SYT2: variants seen among roughly 807,000 people sequenced by gnomAD.
SYT2 encodes the protein synaptotagmin 2.
A neutral mutation model predicts 39.9 loss-of-function variants in SYT2; 15 were observed. The ratio of observed to expected loss-of-function variants is 0.38; its 90% confidence interval spans 0.25 to 0.58. SYT2 has a LOEUF of 0.58. Ranked by LOEUF, SYT2 falls within the 20% of genes least tolerant of loss-of-function variation. The pLI is 0.70. For synonymous variants in SYT2, 181 were observed against 204.5 expected, an observed-to-expected ratio of 0.89 and a Z score of 0.98; for missense variants, 389 against 530.3, an observed-to-expected ratio of 0.73 and a Z score of 2.62.
At chr1:202,630,482 G>A (rs1558439084) in intron 1 of SYT2, 1 of 845,930 alleles carries the variant, frequency 1.2e-6, no homozygotes, top group East Asian at 1.2e-4. Flanking sequence ...GCAGCAGGGA[G>A]CCAAGGTTTA....
At chr1:202,629,214 T>C (rs1284346697) in intron 1 of SYT2, among the ~76,000 whole-genome samples, 2 of 152,224 alleles carry the variant, frequency 1.3e-5, no homozygotes, top group Non-Finnish European at 2.9e-5. Flanking sequence ...CTTCTACCCA[T>C]GCCTTTAGCT....
At chr1:202,624,144 T>C (rs1240003674) in intron 1 of SYT2, among the ~76,000 whole-genome samples, 1 of 151,886 alleles carries the variant, frequency 6.6e-6, no homozygotes, top group African/African-American at 2.4e-5. Flanking sequence ...GTGTGTGTGA[T>C]GTGAGTGTGC....
chr1:202,663,714 T>C (rs889279904), intron 1 of SYT2, among the ~76,000 whole-genome samples: 2 of 152,184 alleles, frequency 1.3e-5, no homozygotes, highest in Non-Finnish European at 2.9e-5. Context: ...TTCCAGACAC[T>C]ATCTCCTCTG....
chr1:202,708,642 G>C (rs1301269083), intron 1 of SYT2, among the ~76,000 whole-genome samples: 1 of 152,032 alleles, frequency 6.6e-6, no homozygotes, highest in African/African-American at 2.4e-5. Flanking sequence ...GCCTGGCGTG[G>C]ACCCCTGACG....
intron 1 of SYT2, among the ~76,000 whole-genome samples, chr1:202,617,477 C>T (rs12566760): frequency 6.6e-6 from 1 of 152,010 alleles, no homozygotes; most frequent in Non-Finnish European, 1.5e-5. Context: ...TCTCCAGAAG[C>T]CGAGCAGATG....
At chr1:202,640,779 A>G (rs972386263) in intron 1 of SYT2, among the ~76,000 whole-genome samples, 110 of 145,418 alleles carry the variant, frequency 7.6e-4, no homozygotes, top group Non-Finnish European at 1.4e-3. Flanking sequence ...AGAGAGAGAG[A>G]GAGAGAGAGA....
At position 202,594,934 on chromosome 1, in the gene SYT2, C is replaced by G. The variant is rs1321317332; in HGVS notation, c.*1823G>C. On this transcript the variant is annotated 3_prime_UTR_variant, in exon 9 of 9. Coordinates refer to ENST00000367268, the MANE Select transcript of SYT2 (RefSeq NM_177402.5). ...CTGCAACTTCTTCACACTGGATCCT[C>G]AAAGCCTGATTCCCTCCAACACTGT... 1.3e-5 allele frequency: 2 copies of G among 152,278 alleles called. No homozygotes were observed. The highest frequency in any genetic ancestry group is 2.9e-5 in the Non-Finnish European group (2 of 68,094). 9.4% of individuals were successfully genotyped at this position (152,278 alleles called of 1,614,324 possible). A position where few individuals can be genotyped will look rare whatever the true frequency, so the allele number is the denominator to read the frequency against.
chr1:202,615,349 A>G (rs1346086350), intron 1 of SYT2, among the ~76,000 whole-genome samples: 1 of 152,116 alleles, frequency 6.6e-6, no homozygotes, highest in African/African-American at 2.4e-5. Context: ...TCTCTCAGTT[A>G]TGCACCCAGT....
Position 202,605,764 on chromosome 1 carries a change from G to C in SYT2, c.9C>G (p.Asn3Lys). Residue 3 changes from asparagine to lysine, a missense_variant, in exon 2 of 9, where the codon AAC (asparagine) becomes AAG (lysine). By Grantham distance (94) the Asn-to-Lys change is moderately conservative. Around this residue, in one of 4 missense-constraint regions of SYT2, gnomAD observed 280 missense variants for 335.6 expected, o/e 0.83. Transcript: ENST00000367268. MRNIFKRNQEPIV... is the reference protein window; with the variant it reads MRKIFKRNQEPIV... ...TAGGCTCCTGGTTCCTCTTGAAAAT[G>C]TTCCTCATGGTGGCAGAGGAAACAG... The C allele has an allele frequency of 6.2e-7, 1 of 1,614,044 alleles. No homozygotes were observed. The highest frequency in any genetic ancestry group is 1.1e-5 in the South Asian group (1 of 91,078).
At chr1:202,691,710 GGAGAGGGAGA>G (rs1401042141) in intron 1 of SYT2, among the ~76,000 whole-genome samples, 6 of 48,472 alleles carry the variant, frequency 1.2e-4, no homozygotes, top group African/African-American at 3.6e-4. Context: ...AGAGGGAGAG[GGAGAGGGAGA>G]GGGAGAGGGG....
chr1:202,668,690 A>G (rs1324403257), intron 1 of SYT2, among the ~76,000 whole-genome samples: 1 of 152,162 alleles, frequency 6.6e-6, no homozygotes, highest in Non-Finnish European at 1.5e-5. Flanking sequence ...TACTCTGCCC[A>G]TTTTCCAGAA....
At chr1:202,606,917 A>C (rs1690726209) in intron 1 of SYT2, among the ~76,000 whole-genome samples, 1 of 152,118 alleles carries the variant, frequency 6.6e-6, no homozygotes, top group South Asian at 2.1e-4. Flanking sequence ...TTTACATAAA[A>C]TTTCATCATA....
chr1:202,595,271 G>C lies in SYT2; in HGVS notation c.*1486C>G, dbSNP rs563769458. ...TTTTATATCAGTGCTGGGGACAAAA[G>C]GTGAACAGGGAATGGGATACAACTG... is the stretch of plus-strand genomic sequence containing the variant. On this transcript the variant is annotated 3_prime_UTR_variant, in exon 9 of 9. Transcript: ENST00000367268. The C allele has an allele frequency of 1.3e-5, 2 of 152,396 alleles. No homozygotes were observed. Among genetic ancestry groups the C allele is most frequent in the East Asian group, 3.9e-4 (2 of 5,192 alleles). 9.4% of individuals were successfully genotyped at this position (152,396 alleles called of 1,614,324 possible).
At position 202,658,330 on chromosome 1, in the gene SYT2, G is replaced by A. The variant is rs576509094; in HGVS notation, c.-18+51928C>T. Among the ~76,000 whole-genome samples the A allele has an allele frequency of 7.6e-4, 116 of 152,300 alleles. 1 individual carries two copies. Among genetic ancestry groups the A allele is most frequent in the Non-Finnish European group, 1.4e-3 (97 of 68,014 alleles). ...GCCCTGGATGGTGGCAATAACCAGA[G>A]TGTGCGGCAAGGGCAGTAGAGGCAG... On this transcript the variant is annotated intron_variant, in intron 1 of 8. Coordinates refer to ENST00000367268, the MANE Select transcript of SYT2 (RefSeq NM_177402.5).
chr1:202,621,610 C>A (rs1021349268), intron 1 of SYT2, among the ~76,000 whole-genome samples: 1 of 152,126 alleles, frequency 6.6e-6, no homozygotes, highest in African/African-American at 2.4e-5. Flanking sequence ...CCACTGCGCC[C>A]AGCCAAAAGA....
At chr1:202,641,483 A>G (rs1406860988) in intron 1 of SYT2, among the ~76,000 whole-genome samples, 2 of 152,234 alleles carry the variant, frequency 1.3e-5, no homozygotes, top group African/African-American at 4.8e-5. Flanking sequence ...TTGGAGGCAG[A>G]GCCTGTAAAT....
intron 1 of SYT2, among the ~76,000 whole-genome samples, chr1:202,690,169 C>A (rs1653782694): frequency 6.6e-6 from 1 of 152,148 alleles, no homozygotes; most frequent in South Asian, 2.1e-4. Flanking sequence ...CACCCACCCA[C>A]GGTCCTACTG....
intron 1 of SYT2, among the ~76,000 whole-genome samples, chr1:202,625,092 T>C (rs1273036325): frequency 1.1e-4 from 16 of 148,538 alleles, no homozygotes; most frequent in African/African-American, 3.3e-4. Context: ...GTGGTTTGTG[T>C]GTGGTATGTG....
At chr1:202,627,326 T>C (rs1691445187) in intron 1 of SYT2, 1 of 477,448 alleles carries the variant, frequency 2.1e-6, no homozygotes, top group Non-Finnish European at 2.7e-6. Context: ...GCAGCCTGAT[T>C]GCTGAGCCTG....
Sources: gnomAD v4.1 joint callset for allele counts (sites outside exome capture counted in the v4.1 genomes callset) on GRCh38, gnomAD v4.1.1 for gene constraint, gnomAD v4.1.1 regional missense constraint, MANE v1.5 for transcripts, NCBI Gene and HGNC (gene_info 2026-07-23, HGNC 2026-07-21) for gene names.